The following LYAR variants were observed in gnomAD, a reference collection of about 807,000 sequenced individuals.
The protein encoded by LYAR is cell growth-regulating nucleolar protein.
Under a neutral mutation model 45.2 loss-of-function variants are expected in LYAR, and 37 were observed. That is an observed-to-expected ratio of 0.82 (90% CI 0.63 to 1.08). The LOEUF (loss-of-function observed/expected upper bound fraction) is 1.08, where lower values mean the gene tolerates loss of function less well. Ranked by LOEUF, LYAR falls within the 50% of genes least tolerant of loss-of-function variation. The probability of loss-of-function intolerance (pLI) is 0.00; values close to 1 mark genes in which losing one functional copy is unlikely to be tolerated. For synonymous variants in LYAR, 176 were observed against 155.1 expected (o/e 1.14, Z -1.00); for missense variants, 493 against 451.0 (o/e 1.09, Z -0.84).
intron 1 of LYAR, among the ~76,000 whole-genome samples, chr4:4,289,138 GGAGA>G (rs1719748834): frequency 6.6e-6 from 1 of 152,168 alleles, no homozygotes; most frequent in Admixed American, 6.5e-5. Flanking sequence ...ACATTCACAA[GGAGA>G]GAATCTCTCC....
Position 4,274,774 on chromosome 4 carries a change from T to C in LYAR, c.430-5A>G. 6.3e-7 allele frequency: 1 copy of C among 1,578,450 alleles called. No homozygotes were observed. The highest frequency in any genetic ancestry group is 1.7e-4 in the Middle Eastern group (1 of 5,862). On this transcript the variant is annotated splice_polypyrimidine_tract_variant and splice_region_variant and intron_variant, in intron 6 of 9. Coordinates refer to ENST00000343470, the MANE Select transcript of LYAR (RefSeq NM_017816.3). ...CTGTTCCTTATTGACTGGTTCCTTA[T>C]CATTAAGCAAAAGCAAGAAACACAT...
chr4:4,277,586 AT>A (rs1329178543), intron 6 of LYAR, among the ~76,000 whole-genome samples: 2 of 152,188 alleles, frequency 1.3e-5, no homozygotes, highest in Non-Finnish European at 2.9e-5. Flanking sequence ...CTCCTCTGTG[AT>A]GCCCTGACTC....
intron 8 of LYAR, among the ~76,000 whole-genome samples, chr4:4,271,746 C>T (rs913178410): frequency 1.3e-5 from 2 of 152,192 alleles, no homozygotes; most frequent in Non-Finnish European, 2.9e-5. Flanking sequence ...ATTGAACATT[C>T]GCTTCAGAAA....
chr4:4,283,614 A>G lies in LYAR; in HGVS notation c.122+7T>C. Reference sequence around the variant, plus strand: ...CTATGGATCTACATGAATTCTGTGAAGCTTACCAGAAATCTTTACCGCAGT... The same window carrying G: ...CTATGGATCTACATGAATTCTGTGAGGCTTACCAGAAATCTTTACCGCAGT... On this transcript the variant is annotated splice_region_variant and intron_variant, in intron 3 of 9. Coordinates refer to ENST00000343470, the MANE Select transcript of LYAR (RefSeq NM_017816.3). 1.2e-6 allele frequency: 2 copies of G among 1,608,948 alleles called. No individual in the cohort carries two copies. The highest frequency in any genetic ancestry group is 2.2e-5 in the South Asian group (2 of 90,972).
intron 6 of LYAR, among the ~76,000 whole-genome samples, chr4:4,275,244 C>T (rs1370695636): frequency 6.6e-6 from 1 of 152,126 alleles, no homozygotes; most frequent in Non-Finnish European, 1.5e-5. Context: ...GGTAGTAATA[C>T]CTACCTCACA....
intron 2 of LYAR, among the ~76,000 whole-genome samples, 163 bp downstream of exon 2, chr4:4,286,356 C>T (rs1719610514): frequency 6.6e-6 from 1 of 152,206 alleles, no homozygotes; most frequent in Non-Finnish European, 1.5e-5. Context: ...CAAAGTCAGC[C>T]TAACTGCACA....
chr4:4,268,594 G>C lies in LYAR; in HGVS notation c.941C>G (p.Thr314Ser). The change falls in exon 9 of 10, where the codon ACT becomes AGT. Residue 314 changes from threonine (T) to serine (S), a missense_variant. Coordinates refer to ENST00000343470, the MANE Select transcript of LYAR (RefSeq NM_017816.3). Reference protein sequence around the residue: ...PAKGKFNWKGTIKAILKQAPD... With the variant: ...PAKGKFNWKGSIKAILKQAPD... ...GGCCTGTTTCAGAATTGCTTTAATAGTTCCCTTCCAGTTGAATTTACCTAC... is the reference window on the plus strand; with the variant it reads ...GGCCTGTTTCAGAATTGCTTTAATACTTCCCTTCCAGTTGAATTTACCTAC... 3 of 1,607,078 alleles carry C rather than the reference G, an allele frequency of 1.9e-6. No individual in the cohort carries two copies. Among genetic ancestry groups the C allele is most frequent in the Non-Finnish European group, 2.6e-6 (3 of 1,175,152 alleles).
At chr4:4,270,268 TAAAAAAAAA>T (rs11377872) in intron 8 of LYAR, among the ~76,000 whole-genome samples, 2 of 121,978 alleles carry the variant, frequency 1.6e-5, no homozygotes, top group African/African-American at 6.2e-5. Context: ...TGTTGATTTG[TAAAAAAAAA>T]AAAAAAAAAA....
In LYAR at chr4:4,273,908, C is replaced by T. The variant is rs914884052; in HGVS notation, c.833-239G>A. ...TGGGCAGGGCCCACCTCTGCCTGGCCACAAAGCTTATGCTCGTTCCCTTAC... is the reference window on the plus strand; with the variant it reads ...TGGGCAGGGCCCACCTCTGCCTGGCTACAAAGCTTATGCTCGTTCCCTTAC... On this transcript the variant is annotated intron_variant, in intron 7 of 9. Transcript: ENST00000343470. Among the ~76,000 whole-genome samples, 18 of 152,154 alleles carry T rather than the reference C, an allele frequency of 1.2e-4. No homozygotes were observed. In the South Asian group the frequency reaches 1.2e-3, roughly 11 times the overall value.
In LYAR at chr4:4,267,780, C is replaced by A; in HGVS notation, c.*109G>T. 6.8e-6 allele frequency: 5 copies of A among 735,396 alleles called. No homozygotes were observed. Among genetic ancestry groups the A allele is most frequent in the Non-Finnish European group, 9.9e-6 (5 of 506,660 alleles). The allele number at this position is 735,396 out of a possible 1,614,324, so 45.6% of individuals were successfully genotyped here. A position where few individuals can be genotyped will look rare whatever the true frequency, so the allele number is the denominator to read the frequency against. On this transcript the variant is annotated 3_prime_UTR_variant, in exon 10 of 10. Transcript: ENST00000343470. ...AATATATTTTCTTAACTTAAAAATACAGCTTCAAAAAGCAAAATTTGAGTT... is the reference window on the plus strand; with the variant it reads ...AATATATTTTCTTAACTTAAAAATAAAGCTTCAAAAAGCAAAATTTGAGTT...
intron 6 of LYAR, among the ~76,000 whole-genome samples, chr4:4,275,439 C>T (rs374700386): frequency 6.9e-6 from 1 of 143,974 alleles, no homozygotes. Flanking sequence ...TCTCATCATT[C>T]TTTTTTTTTT....
At position 4,283,778 on chromosome 4, in the gene LYAR, C is replaced by T. The variant is rs1719496404; in HGVS notation, c.-36G>A. 2 of 1,578,100 alleles carry T rather than the reference C, an allele frequency of 1.3e-6. No individual in the cohort carries two copies. The highest frequency in any genetic ancestry group is 2.3e-5 in the South Asian group (2 of 88,474). On this transcript the variant is annotated 5_prime_UTR_variant, in exon 3 of 10. Coordinates refer to ENST00000343470, the MANE Select transcript of LYAR (RefSeq NM_017816.3). ...ATGGCTAAATATTCTCTATCCAAGA[C>T]AGGTTTTAAGTCTTGTCCTAAGGAA...
intron 4 of LYAR, among the ~76,000 whole-genome samples, chr4:4,280,689 G>A (rs1485383298): frequency 1.3e-5 from 2 of 152,164 alleles, no homozygotes; most frequent in Non-Finnish European, 2.9e-5. Flanking sequence ...GTGCTCAAAA[G>A]TGTGGCTGCT....
chr4:4,268,464 C>T, intron 9 of LYAR, 66 bp downstream of exon 9: 1 of 1,079,040 alleles, frequency 9.3e-7, no homozygotes, highest in Non-Finnish European at 1.4e-6. Context: ...AAAAAACAAA[C>T]AATTGTACAT....
chr4:4,285,621 T>C (rs992056790), intron 2 of LYAR, among the ~76,000 whole-genome samples: 4 of 152,224 alleles, frequency 2.6e-5, no homozygotes, highest in African/African-American at 9.6e-5. Flanking sequence ...AGCCGTGATA[T>C]GCCAAATTAT....
At chr4:4,282,072 T>C (rs1577217554) in intron 3 of LYAR, among the ~76,000 whole-genome samples, 175 bp from the exon 4 acceptor site, 1 of 152,078 alleles carries the variant, frequency 6.6e-6, no homozygotes, top group East Asian at 1.9e-4. Flanking sequence ...CAGAACCACA[T>C]CCCCCTTCCT....
At chr4:4,283,254 G>A (rs1206488457) in intron 3 of LYAR, among the ~76,000 whole-genome samples, 1 of 152,160 alleles carries the variant, frequency 6.6e-6, no homozygotes, top group African/African-American at 2.4e-5. Context: ...GGGTTCAAGC[G>A]ATTCTCCTGC....
intron 6 of LYAR, among the ~76,000 whole-genome samples, chr4:4,277,709 C>T (rs1244265304): frequency 6.6e-6 from 1 of 152,194 alleles, no homozygotes; most frequent in Non-Finnish European, 1.5e-5. Context: ...TGCCTATCTC[C>T]CCCACTAGAA....
rs1459480803 is a variant in LYAR, at chr4:4,270,897, T to TACAC, written c.920-2286_920-2283dup. Among the ~76,000 whole-genome samples, 8 of 152,312 alleles carry TACAC rather than the reference T, an allele frequency of 5.3e-5. No homozygotes were observed. The East Asian group carries it at 1.4e-3, about 26-fold the overall frequency. On this transcript the variant is annotated intron_variant, in intron 8 of 9. Coordinates refer to ENST00000343470, the MANE Select transcript of LYAR (RefSeq NM_017816.3). ...TTTTTCCTTTTTAAATTTTTGTGGG[T>TACAC]ACACAGCAGGTGTATATGGGGCACG...
Sources: allele counts gnomAD v4.1 joint callset (sites outside exome capture counted in the v4.1 genomes callset), GRCh38; gene constraint gnomAD v4.1.1; transcripts MANE v1.5; gene names NCBI Gene and HGNC (gene_info 2026-07-23, HGNC 2026-07-21).